The following CLVS2 variants were observed in gnomAD, a reference collection of about 807,000 sequenced individuals.
The protein encoded by CLVS2 is clavesin 2.
A neutral mutation model predicts 29.0 loss-of-function variants in CLVS2; 19 were observed. That is an observed-to-expected ratio of 0.66 (90% CI 0.46 to 0.96). The LOEUF is 0.96. Among genes scored for constraint, CLVS2 ranks in the 40% least tolerant of loss-of-function variants. The pLI, the probability that CLVS2 is intolerant of heterozygous loss-of-function variation, is 0.00. For synonymous variants in CLVS2, 161 were observed against 151.3 expected, an observed-to-expected ratio of 1.06 and a Z score of -0.47; for missense variants, 294 against 404.1, an observed-to-expected ratio of 0.73 and a Z score of 2.34.
chr6:123,054,541 G>T (rs1047521596), intron 4 of CLVS2, among the ~76,000 whole-genome samples: 1 of 152,194 alleles, frequency 6.6e-6, no homozygotes, highest in Non-Finnish European at 1.5e-5. Context: ...ATTTGATATT[G>T]TAGAGTAATC....
intron 3 of CLVS2, among the ~76,000 whole-genome samples, chr6:123,040,862 T>A (rs1260977972): frequency 1.3e-5 from 2 of 152,126 alleles, no homozygotes; most frequent in African/African-American, 4.8e-5. Flanking sequence ...TTATTCATTG[T>A]ATATTTGGAC....
chr6:123,041,780 G>C (rs1292590227), intron 3 of CLVS2, among the ~76,000 whole-genome samples: 1 of 152,046 alleles, frequency 6.6e-6, no homozygotes, highest in Non-Finnish European at 1.5e-5. Context: ...ACAATAGCTG[G>C]CATTTGGCTG....
intron 3 of CLVS2, among the ~76,000 whole-genome samples, chr6:123,038,279 A>T (rs1312102464): frequency 6.6e-6 from 1 of 152,206 alleles, no homozygotes; most frequent in Non-Finnish European, 1.5e-5. Flanking sequence ...TATGGAAGTT[A>T]TCTTTCCTTG....
chr6:123,034,878 T>A (rs1490463214), intron 3 of CLVS2, among the ~76,000 whole-genome samples: 1 of 152,106 alleles, frequency 6.6e-6, no homozygotes, highest in African/African-American at 2.4e-5. Flanking sequence ...CCTGTGAGTC[T>A]ATTATTATTT....
At chr6:123,026,363 C>A (rs1445743104) in intron 3 of CLVS2, among the ~76,000 whole-genome samples, 1 of 151,988 alleles carries the variant, frequency 6.6e-6, no homozygotes, top group Admixed American at 6.6e-5. Flanking sequence ...TTCAAAGAGA[C>A]ATGATATATG....
At chr6:123,042,257 A>G (rs1442773634) in intron 3 of CLVS2, among the ~76,000 whole-genome samples, 1 of 152,204 alleles carries the variant, frequency 6.6e-6, no homozygotes, top group Non-Finnish European at 1.5e-5. Context: ...TTTTCAAGCC[A>G]TTCAATTATC....
chr6:123,045,563 TG>T (rs1370195417), intron 3 of CLVS2, among the ~76,000 whole-genome samples: 1 of 152,160 alleles, frequency 6.6e-6, no homozygotes, highest in Admixed American at 6.5e-5. Context: ...TGCCTCCCTT[TG>T]GTCCCTTAAA....
chr6:123,040,449 A>G (rs1489673130), intron 3 of CLVS2, among the ~76,000 whole-genome samples: 27 of 152,062 alleles, frequency 1.8e-4, no homozygotes, highest in Admixed American at 1.8e-3. Context: ...GACGAGAAAA[A>G]GAAAAAAAAA....
intron 3 of CLVS2, among the ~76,000 whole-genome samples, chr6:123,026,075 C>G (rs1774996993): frequency 6.6e-6 from 1 of 151,982 alleles, no homozygotes. Flanking sequence ...AGACAGATTT[C>G]TATGAAGGAT....
chr6:123,056,370 C>A (rs1772693245), intron 5 of CLVS2, among the ~76,000 whole-genome samples: 2 of 152,192 alleles, frequency 1.3e-5, no homozygotes, highest in African/African-American at 2.4e-5. Flanking sequence ...CCTATCCACC[C>A]CCCCAAACCA....
rs543407632 is a variant in CLVS2 at position 123,065,958 on chromosome 6, A to T, written c.*2197A>T. ...CTATCTAATTATAAGTATCATTCAC[A>T]CTGTCTCCCAGACCCACATTTGGAA... On this transcript the variant is annotated 3_prime_UTR_variant, in exon 6 of 6. Coordinates refer to ENST00000275162, the MANE Select transcript of CLVS2 (RefSeq NM_001010852.4). 6.6e-6 allele frequency: 1 copy of T among 151,770 alleles called. No homozygotes were observed. The highest frequency in any genetic ancestry group is 2.4e-5 in the African/African-American group (1 of 41,418). The allele number at this position is 151,770 out of a possible 1,614,324, so 9.4% of individuals were successfully genotyped here.
chr6:123,026,518 A>G (rs1775003210), intron 3 of CLVS2, among the ~76,000 whole-genome samples: 1 of 152,198 alleles, frequency 6.6e-6, no homozygotes, highest in South Asian at 2.1e-4. Context: ...TCTTAGGAAA[A>G]TTATGCATTG....
intron 4 of CLVS2, 43 bp downstream of exon 4, chr6:123,048,775 CAATGAATTAT>C (rs1772560089): frequency 8.3e-7 from 1 of 1,210,608 alleles, no homozygotes; most frequent in Non-Finnish European, 1.2e-6. Flanking sequence ...TTCCGCCATC[CAATGAATTAT>C]AATGCATAAT....
intron 3 of CLVS2, among the ~76,000 whole-genome samples, chr6:123,036,609 A>C (rs989547447): frequency 6.6e-6 from 1 of 152,184 alleles, no homozygotes; most frequent in Non-Finnish European, 1.5e-5. Flanking sequence ...AGATTAGCTA[A>C]ACTGAGGTAC....
chr6:123,067,219 T>C lies in CLVS2; in HGVS notation c.*3458T>C, dbSNP rs1261879387. On this transcript the variant is annotated 3_prime_UTR_variant, in exon 6 of 6. Coordinates refer to ENST00000275162, the MANE Select transcript of CLVS2 (RefSeq NM_001010852.4). Reference sequence around the variant, plus strand: ...TGTTAAACATGTGAAGCGTCTGTAATATTCCTGAGGGAAAAGAGGTCCCTC... The same window carrying C: ...TGTTAAACATGTGAAGCGTCTGTAACATTCCTGAGGGAAAAGAGGTCCCTC... 1.3e-5 allele frequency: 2 copies of C among 151,762 alleles called. No individual in the cohort carries two copies. Among genetic ancestry groups the C allele is most frequent in the Non-Finnish European group, 3.0e-5 (2 of 67,762 alleles). 9.4% of individuals were successfully genotyped at this position (151,762 alleles called of 1,614,324 possible).
In CLVS2 at chr6:123,041,794, G is replaced by T. The variant is rs976331450; in HGVS notation, c.565-6828G>T. 2.0e-5 allele frequency among the ~76,000 whole-genome samples: 3 copies of T among 151,990 alleles called. No homozygotes were observed. In the South Asian group the frequency reaches 6.2e-4, roughly 31 times the overall value. ...AACAATAGCTGGCATTTGGCTGAGG[G>T]TCTTAAAGAGATACTATAAAGTATC... is the stretch of plus-strand genomic sequence containing the variant. On this transcript the variant is annotated intron_variant, in intron 3 of 5. Coordinates refer to ENST00000275162, the MANE Select transcript of CLVS2 (RefSeq NM_001010852.4).
At chr6:123,055,283 A>G in intron 4 of CLVS2, among the ~76,000 whole-genome samples, 1 of 149,170 alleles carries the variant, frequency 6.7e-6, no homozygotes, top group East Asian at 2.0e-4. Context: ...CCCACTTTGC[A>G]TTATAAAACA....
chr6:123,063,516 G>C (rs1034727473), intron 5 of CLVS2, among the ~76,000 whole-genome samples, 158 bp from the exon 6 acceptor site: 2 of 152,036 alleles, frequency 1.3e-5, no homozygotes, highest in Non-Finnish European at 2.9e-5. Context: ...ACCAGCAGTG[G>C]TTTTTCTCTA....
intron 2 of CLVS2, 71 bp downstream of exon 2, chr6:122,998,237 C>T (rs11154131): frequency 0.28 from 416,828 of 1,473,690 alleles, 62,540 homozygotes; most frequent in Non-Finnish European, 0.31. Context: ...CGAGTAGTGT[C>T]ATGGTTTTGT....
Sources: gnomAD v4.1 joint callset for allele counts (sites outside exome capture counted in the v4.1 genomes callset) on GRCh38, gnomAD v4.1.1 for gene constraint, MANE v1.5 for transcripts, NCBI Gene and HGNC (gene_info 2026-07-23, HGNC 2026-07-21) for gene names.